PELP1: variants seen among roughly 807,000 people sequenced by gnomAD.
PELP1 encodes the protein proline, glutamate and leucine rich protein 1.
PELP1 carries 32 observed loss-of-function variants against 95.5 expected under a neutral mutation model. That is an observed-to-expected ratio of 0.34 (90% CI 0.25 to 0.45). The LOEUF (loss-of-function observed/expected upper bound fraction) is 0.45, where lower values mean the gene tolerates loss of function less well. Among genes scored for constraint, PELP1 ranks in the 20% least tolerant of loss-of-function variants. The pLI is 1.00. For missense variants in PELP1, 1,358 were observed against 1,444.8 expected (o/e 0.94, Z 0.97); for synonymous variants, 668 against 600.1 (o/e 1.11, Z -1.65).
chr17:4,684,774 A>C (rs1417501294), intron 3 of PELP1, among the ~76,000 whole-genome samples: 2 of 152,142 alleles, frequency 1.3e-5, no homozygotes, highest in Non-Finnish European at 2.9e-5. Flanking sequence ...GGCTCACTGC[A>C]ACCTCCGCCT....
intron 6 of PELP1, 77 bp from the exon 7 acceptor site, chr17:4,676,584 A>G: frequency 6.5e-7 from 1 of 1,549,706 alleles, no homozygotes; most frequent in South Asian, 1.1e-5. Context: ...ACTGACACCC[A>G]AAAGAGATGG....
chr17:4,698,944 G>A (rs1285655769), intron 1 of PELP1, among the ~76,000 whole-genome samples: 1 of 152,014 alleles, frequency 6.6e-6, no homozygotes, highest in Non-Finnish European at 1.5e-5. Flanking sequence ...ACTCCTAAAT[G>A]GACCCAGAAA....
Position 4,672,484 on chromosome 17 carries a change from G to T in PELP1, c.2507C>A (p.Pro836Gln), listed in dbSNP as rs536776853. Residue 836 changes from proline (P) to glutamine (Q), a missense_variant, in exon 16 of 17, where the codon CCA (proline) becomes CAA (glutamine). Pro to Gln is a moderately conservative substitution (Grantham distance 76). This residue lies in a region of PELP1 where 340 missense variants were observed against 322.9 expected (regional missense o/e 1.05). Coordinates refer to ENST00000572293, the MANE Select transcript of PELP1 (RefSeq NM_014389.3). The part of the protein sequence containing the change: ...KEEPEELPAA[P>Q]GPLPPPPPPP... ...AGGTGGGGGTGGCGGGAGAGGCCCT[G>T]GGGCTGCAGGAAGTTCTTCAGGCTC... 5 of 1,571,488 alleles carry T rather than the reference G, an allele frequency of 3.2e-6. No homozygotes were observed. The East Asian group carries it at 1.1e-4, about 36-fold the overall frequency.
intron 1 of PELP1, among the ~76,000 whole-genome samples, chr17:4,698,795 T>G (rs888962456): frequency 2.0e-5 from 3 of 152,096 alleles, no homozygotes; most frequent in African/African-American, 7.2e-5. Context: ...TTAAAAAAGA[T>G]CTGTAGGTTA....
chr17:4,675,432 G>C lies in PELP1; in HGVS notation c.1069-70C>G. ...AGAGCCAGAGAGAGACAGAAACAGG[G>C]AATGACCATTTACATATGTACACAT... is the stretch of plus-strand genomic sequence containing the variant. On this transcript the variant is annotated intron_variant, in intron 9 of 16. Coordinates refer to ENST00000572293, the MANE Select transcript of PELP1 (RefSeq NM_014389.3). The surrounding 1 kb of genome is among the most constrained non-coding windows in gnomAD (Gnocchi z 4.3). 1.0e-6 allele frequency: 1 copy of C among 1,002,358 alleles called. No individual in the cohort carries two copies. The highest frequency in any genetic ancestry group is 1.5e-6 in the Non-Finnish European group (1 of 656,192). The allele number at this position is 1,002,358 out of a possible 1,614,324, so 62.1% of individuals were successfully genotyped here. A position where few individuals can be genotyped will look rare whatever the true frequency, so the allele number is the denominator to read the frequency against.
chr17:4,687,315 T>C (rs991737210), intron 3 of PELP1, among the ~76,000 whole-genome samples: 1 of 152,036 alleles, frequency 6.6e-6, no homozygotes, highest in Admixed American at 6.6e-5. Flanking sequence ...GAGGCCAAGG[T>C]GGGCAGATCA....
At chr17:4,686,567 G>A (rs1485119145) in intron 3 of PELP1, among the ~76,000 whole-genome samples, 2 of 152,114 alleles carry the variant, frequency 1.3e-5, no homozygotes, top group African/African-American at 4.8e-5. Context: ...ACCCAGGCTG[G>A]AGTGCAGTGG....
Position 4,682,785 on chromosome 17 carries a change from T to A in PELP1, c.570+18A>T, listed in dbSNP as rs781281360. 52 of 1,557,690 alleles carry A rather than the reference T, an allele frequency of 3.3e-5. No homozygotes were observed. The highest frequency in any genetic ancestry group is 1.7e-4 in the Middle Eastern group (1 of 5,752). On this transcript the variant is annotated intron_variant, in intron 4 of 16. Transcript: ENST00000572293. ...GACTGCGGGGGGCCATGGGGAAGGG[T>A]CCAGGGAGACATCTCACCTCTGGCC...
intron 3 of PELP1, among the ~76,000 whole-genome samples, chr17:4,685,799 A>AAAAAAG (rs150717757): frequency 1.0e-4 from 15 of 143,484 alleles, no homozygotes; most frequent in Non-Finnish European, 1.1e-4. Flanking sequence ...TCTTAAAAAA[A>AAAAAAG]AAAGAACAAA....
At chr17:4,691,298 G>T in intron 2 of PELP1, 80 bp downstream of exon 2, 1 of 1,005,684 alleles carries the variant, frequency 9.9e-7, no homozygotes, top group South Asian at 1.3e-5. Flanking sequence ...TGGGGACGGT[G>T]ACAATGAAAG....
At chr17:4,683,561 T>C (rs1160546282) in intron 3 of PELP1, among the ~76,000 whole-genome samples, 1 of 121,230 alleles carries the variant, frequency 8.2e-6, no homozygotes, top group East Asian at 2.6e-4. Flanking sequence ...GACAGAGTCT[T>C]GCTCTGTCCC....
At chr17:4,679,120 A>T (rs1387086622) in intron 5 of PELP1, among the ~76,000 whole-genome samples, 1 of 151,518 alleles carries the variant, frequency 6.6e-6, no homozygotes, top group African/African-American at 2.4e-5. Flanking sequence ...TCTGCCTCCC[A>T]GCTTCAGGGG....
rs1323669811 is a variant in PELP1 at position 4,672,904 on chromosome 17, G to A, written c.2087C>T (p.Pro696Leu). The A allele has an allele frequency of 6.2e-7, 1 of 1,613,540 alleles. No homozygotes were observed. The highest frequency in any genetic ancestry group is 2.2e-5 in the East Asian group (1 of 44,880). ...GGTGGGAGGTCCAGGGCGTGCCGAG[G>A]GCACAGGGCCTGCTGAGGGCATGGG... ...AGPMPSAGPV[P>L]SARPGPPTTA... The change falls in exon 16 of 17, where the codon CCC becomes CTC. Residue 696 changes from proline (P) to leucine (L), a missense_variant. By Grantham distance (98) the Pro-to-Leu change is moderately conservative. Around this residue, in one of 7 missense-constraint regions of PELP1, gnomAD observed 340 missense variants for 322.9 expected, o/e 1.05. Coordinates refer to ENST00000572293, the MANE Select transcript of PELP1 (RefSeq NM_014389.3).
chr17:4,675,037 CCCT>C lies in PELP1; in HGVS notation c.1274+39_1274+41del. ...CCAGCCCACCTGCACCCCCTCACCC[CCCT>C]CTCCTCTTTATTCCCTTCCTGCCTT... On this transcript the variant is annotated intron_variant, in intron 11 of 16. Coordinates refer to ENST00000572293, the MANE Select transcript of PELP1 (RefSeq NM_014389.3). This position sits in a 1 kb window ranked among gnomAD's most constrained non-coding sequence, Gnocchi z 4.3. 1 of 1,609,104 alleles carries C rather than the reference CCCT, an allele frequency of 6.2e-7. No individual in the cohort carries two copies. The highest frequency in any genetic ancestry group is 8.5e-7 in the Non-Finnish European group (1 of 1,175,804).
chr17:4,671,378 C>A lies in PELP1; in HGVS notation c.*61G>T. 20 of 945,224 alleles carry A rather than the reference C, an allele frequency of 2.1e-5. No homozygotes were observed. The South Asian group carries it at 2.6e-4, about 12-fold the overall frequency. The allele number at this position is 945,224 out of a possible 1,614,324, so 58.6% of individuals were successfully genotyped here. A position where few individuals can be genotyped will look rare whatever the true frequency, so the allele number is the denominator to read the frequency against. On this transcript the variant is annotated 3_prime_UTR_variant, in exon 17 of 17. Transcript: ENST00000572293. ...ACCCAGGTGTGGCAAAAGGCAGAAG[C>A]AGCAGTCGCTATCTAAGGACATAAC...
intron 3 of PELP1, among the ~76,000 whole-genome samples, chr17:4,689,147 G>A (rs1367255442): frequency 6.6e-6 from 1 of 152,230 alleles, no homozygotes; most frequent in Non-Finnish European, 1.5e-5. Flanking sequence ...GCCACATGTA[G>A]AAGAATGAAA....
chr17:4,703,332 G>C (rs1332340062), intron 1 of PELP1, among the ~76,000 whole-genome samples: 1 of 152,064 alleles, frequency 6.6e-6, no homozygotes, highest in African/African-American at 2.4e-5. Flanking sequence ...TAGGGTCTCA[G>C]CTTAAACGCC....
At chr17:4,674,983 A>G in intron 11 of PELP1, 27 bp from the exon 12 acceptor site, 1 of 1,605,628 alleles carries the variant, frequency 6.2e-7, no homozygotes, top group South Asian at 1.1e-5. Flanking sequence ...GATGGCAGTT[A>G]TGAATGGGGG....
At position 4,691,401 on chromosome 17, in the gene PELP1, T is replaced by C; in HGVS notation, c.291A>G (p.Ala97=). The C allele has an allele frequency of 6.2e-7, 1 of 1,613,610 alleles. No homozygotes were observed. The highest frequency in any genetic ancestry group is 8.5e-7 in the Non-Finnish European group (1 of 1,179,562). The stretch of plus-strand genomic sequence containing the variant: ...ACCGAGTTTTGATGGAACTGAGACG[T>C]GCATTACTGAGACTCACCAATGCCC... ...ALGALVSLSN[A]RLSSIKTRFE... is the part of the protein sequence containing the mutation. Residue 97 remains alanine, a synonymous_variant, in exon 2 of 17, where the codon GCA becomes GCG. Coordinates refer to ENST00000572293, the MANE Select transcript of PELP1 (RefSeq NM_014389.3).
Sources: gnomAD v4.1 joint callset for allele counts (sites outside exome capture counted in the v4.1 genomes callset) on GRCh38, gnomAD v4.1.1 for gene constraint, gnomAD v4.1.1 regional missense constraint, Gnocchi (gnomAD v3.1) non-coding constraint, MANE v1.5 for transcripts, NCBI Gene and HGNC (gene_info 2026-07-23, HGNC 2026-07-21) for gene names.